Variants in RARB observed in about 807,000 individuals in gnomAD.
RARB encodes HBV-activated protein.
A neutral mutation model predicts 51.9 loss-of-function variants in RARB; 17 were observed. That is an observed-to-expected ratio of 0.33 (90% CI 0.22 to 0.49). The LOEUF is 0.49. Among genes scored for constraint, RARB ranks in the 20% least tolerant of loss-of-function variants. RARB has a pLI of 0.99. For synonymous variants in RARB, 215 were observed against 195.4 expected (o/e 1.10, Z -0.84); for missense variants, 369 against 550.8 (o/e 0.67, Z 3.30).
At chr3:25,290,114 A>G (rs1355929619) in intron 5 of RARB, among the ~76,000 whole-genome samples, 8 of 152,318 alleles carry the variant, frequency 5.3e-5, no homozygotes, top group Non-Finnish European at 1.0e-4. Flanking sequence ...CTATTTACAT[A>G]GAAATCTCAT....
At chr3:25,524,289 C>T (rs1698541722) in intron 3 of RARB, among the ~76,000 whole-genome samples, 1 of 152,194 alleles carries the variant, frequency 6.6e-6, no homozygotes, top group Non-Finnish European at 1.5e-5. Context: ...GTTACCACGG[C>T]ACCCAGCATA....
intron 2 of RARB, among the ~76,000 whole-genome samples, chr3:24,882,151 C>T (rs1023914664): frequency 6.6e-6 from 1 of 152,146 alleles, no homozygotes; most frequent in Non-Finnish European, 1.5e-5. Flanking sequence ...TAGTAAATAA[C>T]ATTCTGCATT....
intron 5 of RARB, among the ~76,000 whole-genome samples, chr3:25,286,024 C>T (rs1055475590): frequency 6.6e-5 from 10 of 150,882 alleles, no homozygotes; most frequent in East Asian, 5.8e-4. Flanking sequence ...TTGTGTCAGT[C>T]GGAGGCTGTT....
chr3:25,164,302 G>A lies in RARB; in HGVS notation c.-279-9817G>A, dbSNP rs74796311. 9.6e-3 allele frequency among the ~76,000 whole-genome samples: 1,461 copies of A among 152,242 alleles called. 8 individuals are homozygous for A. Among genetic ancestry groups the A allele is most frequent in the Middle Eastern group, 0.024 (7 of 294 alleles). ...TGGATATTGAGCAGCAAGACTATTAGAGATCCTGATTGCCATTATAGGAAG... is the reference window on the plus strand; with the variant it reads ...TGGATATTGAGCAGCAAGACTATTAAAGATCCTGATTGCCATTATAGGAAG... On this transcript the variant is annotated intron_variant, in intron 4 of 11. Transcript: ENST00000383772.
intron 5 of RARB, among the ~76,000 whole-genome samples, chr3:25,330,911 A>G (rs6787933): frequency 0.06 from 9,195 of 152,270 alleles, 302 homozygotes; most frequent in African/African-American, 0.082. Flanking sequence ...ACCAACAAAG[A>G]TCAAAAGAGA....
At chr3:25,339,120 T>G (rs778095213) in intron 5 of RARB, among the ~76,000 whole-genome samples, 4 of 152,202 alleles carry the variant, frequency 2.6e-5, no homozygotes, top group Non-Finnish European at 5.9e-5. Flanking sequence ...CTGAAAATAT[T>G]AAATTGTTTT....
intron 5 of RARB, among the ~76,000 whole-genome samples, chr3:25,230,505 A>G (rs1221337928): frequency 6.6e-6 from 1 of 152,158 alleles, no homozygotes; most frequent in Non-Finnish European, 1.5e-5. Flanking sequence ...TATTTCAAAG[A>G]AAAGTTAAAT....
intron 2 of RARB, among the ~76,000 whole-genome samples, chr3:24,915,005 A>C (rs1362165625): frequency 6.6e-6 from 1 of 152,190 alleles, no homozygotes; most frequent in Non-Finnish European, 1.5e-5. Flanking sequence ...ATAGAGATTG[A>C]TATTGTTTGT....
chr3:25,510,513 C>G (rs1431180438), intron 3 of RARB, among the ~76,000 whole-genome samples: 1 of 151,940 alleles, frequency 6.6e-6, no homozygotes, highest in Non-Finnish European at 1.5e-5. Context: ...GTAATCCCAG[C>G]TACTCTGGAG....
intron 5 of RARB, among the ~76,000 whole-genome samples, chr3:25,401,854 A>G (rs1272228692): frequency 2.0e-5 from 3 of 152,120 alleles, no homozygotes; most frequent in Non-Finnish European, 2.9e-5. Context: ...TAGGTTCACT[A>G]CAACCTCTGC....
intron 2 of RARB, among the ~76,000 whole-genome samples, chr3:24,980,522 A>G (rs949587232): frequency 2.0e-5 from 3 of 152,048 alleles, no homozygotes; most frequent in African/African-American, 7.2e-5. Flanking sequence ...TCTTCAGTCG[A>G]TCAAATTCGA....
intron 2 of RARB, among the ~76,000 whole-genome samples, chr3:24,897,378 C>T (rs1206316583): frequency 6.6e-6 from 1 of 152,074 alleles, no homozygotes; most frequent in Non-Finnish European, 1.5e-5. Context: ...TGACTTCGTT[C>T]TTCAAAAGAA....
chr3:25,240,236 T>G (rs1702399168), intron 5 of RARB, among the ~76,000 whole-genome samples: 1 of 152,114 alleles, frequency 6.6e-6, no homozygotes, highest in Non-Finnish European at 1.5e-5. Context: ...GGTGGAGTCT[T>G]TAGGTTTTTC....
chr3:24,843,955 C>A (rs987386254), intron 1 of RARB, among the ~76,000 whole-genome samples: 1 of 151,182 alleles, frequency 6.6e-6, no homozygotes, highest in Non-Finnish European at 1.5e-5. Context: ...GGCACTTGTA[C>A]CTTGGTCAAT....
intron 5 of RARB, among the ~76,000 whole-genome samples, chr3:25,349,393 G>GGT (rs1203108267): frequency 6.6e-6 from 1 of 152,142 alleles, no homozygotes; most frequent in African/African-American, 2.4e-5. Flanking sequence ...GAAATTCCAG[G>GGT]GTGGGTATTG....
At chr3:24,989,312 G>A (rs1696862427) in intron 2 of RARB, among the ~76,000 whole-genome samples, 1 of 152,180 alleles carries the variant, frequency 6.6e-6, no homozygotes, top group Non-Finnish European at 1.5e-5. Flanking sequence ...GCTATATCAG[G>A]TGTGTCAGCT....
intron 2 of RARB, among the ~76,000 whole-genome samples, chr3:25,056,519 A>G (rs1318363839): frequency 2.0e-5 from 3 of 152,122 alleles, no homozygotes; most frequent in Non-Finnish European, 4.4e-5. Flanking sequence ...GCAAATATAA[A>G]AGGAGAAGAG....
intron 2 of RARB, among the ~76,000 whole-genome samples, chr3:25,012,268 A>G (rs1047208753): frequency 6.6e-6 from 1 of 152,120 alleles, no homozygotes; most frequent in Non-Finnish European, 1.5e-5. Context: ...TACGTAGGAA[A>G]GCTTTGATTT....
intron 5 of RARB, among the ~76,000 whole-genome samples, chr3:25,408,430 T>G (rs577584049): frequency 6.6e-6 from 1 of 152,126 alleles, no homozygotes; most frequent in Non-Finnish European, 1.5e-5. Flanking sequence ...ACTTTTGAAC[T>G]CTCAGATCTC....
Sources: allele counts gnomAD v4.1 joint callset (sites outside exome capture counted in the v4.1 genomes callset), GRCh38; gene constraint gnomAD v4.1.1; transcripts MANE v1.5; gene names NCBI Gene and HGNC (gene_info 2026-07-23, HGNC 2026-07-21).